Variants in MRC1 observed in about 807,000 individuals in gnomAD.
MRC1 encodes the protein macrophage mannose receptor 1.
MRC1 carries 62 observed loss-of-function variants against 102.9 expected under a neutral mutation model. That is an observed-to-expected ratio of 0.60 (90% confidence interval 0.49 to 0.74). MRC1 has a LOEUF of 0.74. Among genes scored for constraint, MRC1 ranks in the 30% least tolerant of loss-of-function variants. MRC1 has a pLI of 0.00. For missense variants in MRC1, 1,237 were observed against 862.8 expected, an observed-to-expected ratio of 1.43 and a Z score of -5.43; for synonymous variants, 457 against 298.4, an observed-to-expected ratio of 1.53 and a Z score of -5.48.
chr10:17,818,862 G>A (rs1838351554), intron 1 of MRC1, among the ~76,000 whole-genome samples: 1 of 152,126 alleles, frequency 6.6e-6, no homozygotes. Context: ...CCCAAGAAGA[G>A]GGAACTCAAA....
chr10:17,836,986 G>C (rs1838674881), intron 4 of MRC1, among the ~76,000 whole-genome samples: 1 of 152,206 alleles, frequency 6.6e-6, no homozygotes, highest in South Asian at 2.1e-4. Flanking sequence ...TGGGGACAGA[G>C]CACAGGTTAC....
intron 4 of MRC1, 41 bp downstream of exon 4, chr10:17,833,880 T>A: frequency 1.3e-6 from 1 of 777,166 alleles, no homozygotes; most frequent in Non-Finnish European, 2.4e-6. Flanking sequence ...ATGACTGCTT[T>A]ATTTTTATAT....
chr10:17,867,526 G>T (rs1054962116), intron 12 of MRC1, among the ~76,000 whole-genome samples: 6 of 151,932 alleles, frequency 3.9e-5, no homozygotes, highest in African/African-American at 1.5e-4. Flanking sequence ...GGGCTCAAGT[G>T]CTCCTCCCAC....
chr10:17,875,312 G>A (rs948727592), intron 17 of MRC1, 59 bp downstream of exon 17: 1 of 773,330 alleles, frequency 1.3e-6, no homozygotes, highest in Non-Finnish European at 2.4e-6. Flanking sequence ...GGTGTTGTTT[G>A]GTTGTATGGA....
Position 17,853,070 on chromosome 10 carries a change from A to G in MRC1, c.1353A>G (p.Gly451=), listed in dbSNP as rs878916536. ...TPVTFTKWLR[G]EPSHENNRQE... ...TAACGTTTACCAAATGGCTTCGTGG[A>G]GAACCAAGCCATGAAAACAACAGAC... The change falls in exon 8 of 30, where the codon GGA becomes GGG. Residue 451 remains glycine (G), a synonymous_variant. Coordinates refer to ENST00000569591, the MANE Select transcript of MRC1 (RefSeq NM_002438.4). 327 of 780,858 alleles carry G rather than the reference A, an allele frequency of 4.2e-4. 3 individuals are homozygous for G. Among genetic ancestry groups the G allele is most frequent in the African/African-American group, 4.2e-3 (247 of 59,250 alleles). The allele number at this position is 780,858 out of a possible 1,614,324, so 48.4% of individuals were successfully genotyped here.
Position 17,878,079 on chromosome 10 carries a change from T to C in MRC1, c.2618+112T>C, listed in dbSNP as rs1203813705. 1.6e-5 allele frequency: 11 copies of C among 703,162 alleles called. No homozygotes were observed. The East Asian group carries it at 2.3e-4, about 15-fold the overall frequency. 43.6% of individuals were successfully genotyped at this position (703,162 alleles called of 1,614,324 possible). A position where few individuals can be genotyped will look rare whatever the true frequency, so the allele number is the denominator to read the frequency against. On this transcript the variant is annotated intron_variant, in intron 18 of 29. Coordinates refer to ENST00000569591, the MANE Select transcript of MRC1 (RefSeq NM_002438.4). ...ATGCATTTTTAAAAATCCTACAGCA[T>C]TCTCAATTGAAAAAGCAACTTGAAA...
intron 1 of MRC1, among the ~76,000 whole-genome samples, chr10:17,819,271 C>T (rs1483500611): frequency 6.6e-6 from 1 of 152,112 alleles, no homozygotes; most frequent in African/African-American, 2.4e-5. Context: ...AATTTGGCAT[C>T]AGGTGACAAG....
rs2130676139 is a variant in MRC1, at chr10:17,870,819, A to G, written c.2112-29A>G. 5 of 871,954 alleles carry G rather than the reference A, an allele frequency of 5.7e-6. No individual in the cohort carries two copies. In the East Asian group the frequency reaches 7.2e-5, roughly 13 times the overall value. 54.0% of individuals were successfully genotyped at this position (871,954 alleles called of 1,614,324 possible). ...CTGAACTTGCTTCATGCAATAGCATATGCTTTCTTTATGTTTTGGATTTCA... is the reference window on the plus strand; with the variant it reads ...CTGAACTTGCTTCATGCAATAGCATGTGCTTTCTTTATGTTTTGGATTTCA... On this transcript the variant is annotated intron_variant, in intron 13 of 29. Coordinates refer to ENST00000569591, the MANE Select transcript of MRC1 (RefSeq NM_002438.4).
rs200326272 is a variant in MRC1 at position 17,823,958 on chromosome 10, A to C, written c.463+483A>C. ...ATCCCTTGGCGACATGGGATTCTAA[A>C]TGTTACTGATTTATTTTGTCAGGTT... On this transcript the variant is annotated intron_variant, in intron 2 of 29. Transcript: ENST00000569591. Among the ~76,000 whole-genome samples, 1,479 of 152,314 alleles carry C rather than the reference A, an allele frequency of 9.7e-3. 13 individuals are homozygous for C. The highest frequency in any genetic ancestry group is 0.024 in the Middle Eastern group (7 of 294).
At chr10:17,874,184 A>G (rs1833393980) in intron 16 of MRC1, among the ~76,000 whole-genome samples, 1 of 152,212 alleles carries the variant, frequency 6.6e-6, no homozygotes, top group African/African-American at 2.4e-5. Context: ...AGAAATCTGG[A>G]ATCAATTTCA....
chr10:17,834,434 C>T (rs1012788066), intron 4 of MRC1, among the ~76,000 whole-genome samples: 47 of 152,076 alleles, frequency 3.1e-4, no homozygotes, highest in Admixed American at 2.4e-3. Context: ...TGTTTTGAGA[C>T]GGAGTTTCCC....
rs34523261 is a variant in MRC1, at chr10:17,870,751, G to A, written c.2112-97G>A. The stretch of plus-strand genomic sequence containing the variant: ...CTTTACTTGTGTACTATTAATTTAC[G>A]TTTTGGAGGTAACTTTCAAATGTGG... On this transcript the variant is annotated intron_variant, in intron 13 of 29. Coordinates refer to ENST00000569591, the MANE Select transcript of MRC1 (RefSeq NM_002438.4). 5.1e-4 allele frequency: 414 copies of A among 804,228 alleles called. 1 individual carries two copies. The African/African-American group carries it at 5.5e-3, about 11-fold the overall frequency. The allele number at this position is 804,228 out of a possible 1,614,324, so 49.8% of individuals were successfully genotyped here. A position where few individuals can be genotyped will look rare whatever the true frequency, so the allele number is the denominator to read the frequency against.
intron 24 of MRC1, among the ~76,000 whole-genome samples, chr10:17,900,285 A>G (rs932881123): frequency 1.3e-5 from 2 of 151,724 alleles, no homozygotes; most frequent in South Asian, 4.2e-4. Flanking sequence ...TCTCTTCCAT[A>G]CCTCTCTTCC....
chr10:17,905,754 C>T (rs909056375), intron 26 of MRC1, among the ~76,000 whole-genome samples: 3 of 152,094 alleles, frequency 2.0e-5, no homozygotes, highest in Non-Finnish European at 2.9e-5. Flanking sequence ...TGGTTAGGTA[C>T]GGACCCTCAA....
intron 26 of MRC1, among the ~76,000 whole-genome samples, chr10:17,906,298 CT>C (rs1184231740): frequency 2.4e-3 from 325 of 136,226 alleles, no homozygotes; most frequent in Admixed American, 3.4e-3. Flanking sequence ...TAACCCATGT[CT>C]TTTTTTTTTT....
chr10:17,851,718 C>T (rs1250136401), intron 7 of MRC1, among the ~76,000 whole-genome samples: 1 of 152,192 alleles, frequency 6.6e-6, no homozygotes, highest in Non-Finnish European at 1.5e-5. Flanking sequence ...TTGAAGCCTG[C>T]ATTTGTTGCT....
chr10:17,861,762 C>A (rs1589182802), intron 10 of MRC1, among the ~76,000 whole-genome samples: 1 of 152,034 alleles, frequency 6.6e-6, no homozygotes, highest in African/African-American at 2.4e-5. Context: ...GTTTATGGAG[C>A]TAACTTTTTA....
intron 1 of MRC1, among the ~76,000 whole-genome samples, chr10:17,816,737 A>C (rs1262681020): frequency 2.0e-5 from 3 of 152,144 alleles, no homozygotes; most frequent in African/African-American, 7.2e-5. Flanking sequence ...TTTTCCTCTT[A>C]TCTGGCTTCT....
intron 4 of MRC1, among the ~76,000 whole-genome samples, chr10:17,837,086 C>T (rs919140500): frequency 2.0e-5 from 3 of 152,110 alleles, no homozygotes; most frequent in East Asian, 1.9e-4. Context: ...TCCTGGTTCC[C>T]GGACTCTGCT....
Sources: allele counts gnomAD v4.1 joint callset (sites outside exome capture counted in the v4.1 genomes callset), GRCh38; gene constraint gnomAD v4.1.1; transcripts MANE v1.5; gene names NCBI Gene and HGNC (gene_info 2026-07-23, HGNC 2026-07-21).